Variants in GTF2A1L observed in about 807,000 individuals in gnomAD.
The protein encoded by GTF2A1L is general transcription factor IIA subunit 1 like.
GTF2A1L carries 48 observed loss-of-function variants against 49.7 expected under a neutral mutation model. The observed-to-expected ratio is 0.97, with a 90% CI of 0.77 to 1.23. The LOEUF (loss-of-function observed/expected upper bound fraction) is 1.23, where lower values mean the gene tolerates loss of function less well. Ranked by LOEUF, GTF2A1L falls within the 50% of genes most tolerant of loss-of-function variation. The pLI, the probability that GTF2A1L is intolerant of heterozygous loss-of-function variation, is 0.00. For synonymous variants in GTF2A1L, 246 were observed against 193.5 expected (o/e 1.27, Z -2.25); for missense variants, 736 against 564.8 (o/e 1.30, Z -3.07).
rs916807122 is a variant in GTF2A1L, at chr2:48,633,113, G to A, written c.248-9289G>A. 3 of 272,846 alleles carry A rather than the reference G, an allele frequency of 1.1e-5. No homozygotes were observed. In the East Asian group the frequency reaches 3.3e-4, roughly 30 times the overall value. 16.9% of individuals were successfully genotyped at this position (272,846 alleles called of 1,614,324 possible). A position where few individuals can be genotyped will look rare whatever the true frequency, so the allele number is the denominator to read the frequency against. ...TACTTCTTGTAGGCTTCTTTTTGAA[G>A]TTTGTTTCCTGCAAGTGATGGTTCA... On this transcript the variant is annotated intron_variant, in intron 3 of 8. Coordinates refer to ENST00000403751, the MANE Select transcript of GTF2A1L (RefSeq NM_006872.5).
In GTF2A1L at chr2:48,646,885, T is replaced by A; in HGVS notation, c.821T>A (p.Leu274Gln). ...LSGSASMAQNLHDESLSTSPH... is the reference protein window; with the variant it reads ...LSGSASMAQNQHDESLSTSPH... ...GGTTCAGCTAGCATGGCTCAAAATCTGCATGATGAGTCCCTCTCCACAAGC... is the reference window on the plus strand; with the variant it reads ...GGTTCAGCTAGCATGGCTCAAAATCAGCATGATGAGTCCCTCTCCACAAGC... Residue 274 changes from leucine (L) to glutamine (Q), a missense_variant, in exon 6 of 9, where the codon CTG (leucine) becomes CAG (glutamine). Transcript: ENST00000403751. 6.2e-7 allele frequency: 1 copy of A among 1,614,218 alleles called. No homozygotes were observed. Among genetic ancestry groups the A allele is most frequent in the East Asian group, 2.2e-5 (1 of 44,884 alleles).
chr2:48,620,718 A>G, intron 1 of GTF2A1L, 133 bp from the exon 2 acceptor site: 1 of 408,114 alleles, frequency 2.5e-6, no homozygotes, highest in Non-Finnish European at 3.4e-6. Context: ...TGGAAATTGC[A>G]GTGAACTGAG....
chr2:48,639,869 G>A (rs188804389), intron 3 of GTF2A1L, among the ~76,000 whole-genome samples: 20 of 152,024 alleles, frequency 1.3e-4, no homozygotes, highest in African/African-American at 2.7e-4. Context: ...AAACAGTCCC[G>A]TTAAAATGTG....
chr2:48,636,427 T>G (rs1055575152), intron 3 of GTF2A1L, among the ~76,000 whole-genome samples: 7 of 152,230 alleles, frequency 4.6e-5, no homozygotes, highest in African/African-American at 1.7e-4. Flanking sequence ...CCTGCTGTTT[T>G]TGTCTGTTGT....
intron 6 of GTF2A1L, among the ~76,000 whole-genome samples, chr2:48,664,642 T>A (rs1678713393): frequency 6.6e-6 from 1 of 152,178 alleles, no homozygotes; most frequent in South Asian, 2.1e-4. Context: ...TTAGAATTTT[T>A]CCTTGTGGGA....
At chr2:48,639,839 C>G (rs1677105496) in intron 3 of GTF2A1L, among the ~76,000 whole-genome samples, 3 of 152,030 alleles carry the variant, frequency 2.0e-5, no homozygotes, top group African/African-American at 7.2e-5. Context: ...GGAACTTAAA[C>G]AAATTTACAA....
Position 48,636,833 on chromosome 2 carries a change from C to T in GTF2A1L, c.248-5569C>T, listed in dbSNP as rs767610381. The stretch of plus-strand genomic sequence containing the variant: ...TGGGACTGTCCTGGGCAAATTGGGA[C>T]GTGTAGTCACCCTATGATTACCTTA... On this transcript the variant is annotated intron_variant, in intron 3 of 8. Transcript: ENST00000403751. 2.6e-4 allele frequency among the ~76,000 whole-genome samples: 40 copies of T among 152,158 alleles called. 1 individual carries two copies. The highest frequency in any genetic ancestry group is 4.2e-4 in the South Asian group (2 of 4,816).
intron 8 of GTF2A1L, among the ~76,000 whole-genome samples, chr2:48,672,071 G>A (rs982487146): frequency 6.6e-5 from 10 of 152,226 alleles, no homozygotes; most frequent in African/African-American, 2.4e-4. Flanking sequence ...AGCACAGATA[G>A]TAAGCCCTAG....
intron 3 of GTF2A1L, among the ~76,000 whole-genome samples, chr2:48,641,493 G>A (rs908607407): frequency 6.6e-6 from 1 of 152,064 alleles, no homozygotes; most frequent in Non-Finnish European, 1.5e-5. Flanking sequence ...TGAAAAACAG[G>A]CCATAATAAA....
At chr2:48,644,969 C>G in intron 4 of GTF2A1L, 64 bp from the exon 5 acceptor site, 1 of 1,468,546 alleles carries the variant, frequency 6.8e-7, no homozygotes, top group Non-Finnish European at 9.1e-7. Flanking sequence ...CCTGTGAGAT[C>G]AGGGAAAAAA....
At chr2:48,663,747 C>T (rs960082857) in intron 6 of GTF2A1L, among the ~76,000 whole-genome samples, 4 of 152,034 alleles carry the variant, frequency 2.6e-5, no homozygotes, top group African/African-American at 7.2e-5. Flanking sequence ...TCAAGTGATT[C>T]TCCTGCCTCA....
At chr2:48,674,429 T>C (rs532159909) in intron 8 of GTF2A1L, among the ~76,000 whole-genome samples, 28 of 152,290 alleles carry the variant, frequency 1.8e-4, no homozygotes, top group Non-Finnish European at 3.4e-4. Context: ...AAGAATAATG[T>C]TTTGAATTGC....
chr2:48,677,688 A>G (rs1679546132), intron 8 of GTF2A1L, among the ~76,000 whole-genome samples: 1 of 151,952 alleles, frequency 6.6e-6, no homozygotes, highest in Non-Finnish European at 1.5e-5. Flanking sequence ...AAAAACAGGA[A>G]CTAGTTATGA....
At chr2:48,655,348 A>G (rs1678111387) in intron 6 of GTF2A1L, among the ~76,000 whole-genome samples, 1 of 151,922 alleles carries the variant, frequency 6.6e-6, no homozygotes, top group East Asian at 1.9e-4. Flanking sequence ...TTTATTTTTA[A>G]TTAGTTAATT....
intron 6 of GTF2A1L, among the ~76,000 whole-genome samples, chr2:48,668,969 C>T (rs1221354638): frequency 6.6e-6 from 1 of 151,996 alleles, no homozygotes; most frequent in Non-Finnish European, 1.5e-5. Flanking sequence ...TCTACGTGAC[C>T]AGAGGTGATT....
chr2:48,653,066 A>G (rs977150573), intron 6 of GTF2A1L, among the ~76,000 whole-genome samples: 2 of 151,650 alleles, frequency 1.3e-5, no homozygotes, highest in Admixed American at 6.6e-5. Context: ...CATCTCTACT[A>G]AAAATACAAA....
chr2:48,665,756 T>A (rs545124624), intron 6 of GTF2A1L, among the ~76,000 whole-genome samples: 5 of 152,282 alleles, frequency 3.3e-5, no homozygotes, highest in African/African-American at 9.6e-5. Context: ...AAACATGATA[T>A]GTGCTCTTGA....
chr2:48,650,502 A>G (rs1367534569), intron 6 of GTF2A1L, among the ~76,000 whole-genome samples: 2 of 152,160 alleles, frequency 1.3e-5, no homozygotes, highest in East Asian at 3.8e-4. Flanking sequence ...TCTAAGTAAG[A>G]GTTTTCATTT....
At chr2:48,619,819 C>T (rs969974712) in intron 1 of GTF2A1L, among the ~76,000 whole-genome samples, 4 of 152,090 alleles carry the variant, frequency 2.6e-5, no homozygotes, top group African/African-American at 7.2e-5. Flanking sequence ...AGTGTTTAAT[C>T]TGGGTAGAAA....
Sources: gnomAD v4.1 joint callset for allele counts (sites outside exome capture counted in the v4.1 genomes callset) on GRCh38, gnomAD v4.1.1 for gene constraint, MANE v1.5 for transcripts, NCBI Gene and HGNC (gene_info 2026-07-23, HGNC 2026-07-21) for gene names.